Variants in GSE1 observed in about 807,000 individuals in gnomAD.
GSE1 encodes genetic suppressor element 1.
A neutral mutation model predicts 112.6 loss-of-function variants in GSE1; 32 were observed. The observed-to-expected ratio is 0.28, with a 90% CI of 0.21 to 0.38. The LOEUF is 0.38. Among genes scored for constraint, GSE1 ranks in the 10% least tolerant of loss-of-function variants. The pLI, the probability that GSE1 is intolerant of heterozygous loss-of-function variation, is 1.00. For missense variants in GSE1, 2,348 were observed against 1,699.2 expected (o/e 1.38, Z -6.71); for synonymous variants, 1,115 against 735.6 (o/e 1.52, Z -8.35).
At chr16:85,374,185 CCT>C (rs924663000) in intron 2 of GSE1, among the ~76,000 whole-genome samples, 2 of 145,442 alleles carry the variant, frequency 1.4e-5, no homozygotes, top group African/African-American at 5.1e-5. Context: ...TGTCAGTGTG[CCT>C]CTGTGTGTTC....
rs574592771 is a variant in GSE1 at position 85,564,252 on chromosome 16, G to A, written c.37+7889G>A. Among the ~76,000 whole-genome samples the A allele has an allele frequency of 1.5e-3, 231 of 152,280 alleles. 1 individual carries two copies. The highest frequency in any genetic ancestry group is 5.3e-3 in the African/African-American group (221 of 41,538). On this transcript the variant is annotated intron_variant, in intron 1 of 2. Coordinates refer to the GSE1 transcript ENST00000635906. The stretch of plus-strand genomic sequence containing the variant: ...GGAGCTTCGAGGTGAGTGAGGCTGG[G>A]AGGAAGGAGGCTAACACAGTGAGGA...
At chr16:85,566,035 C>T (rs1598206087) in intron 1 of GSE1, among the ~76,000 whole-genome samples, 1 of 152,286 alleles carries the variant, frequency 6.6e-6, no homozygotes, top group Middle Eastern at 3.4e-3. Context: ...GTTTTCTCAT[C>T]TGCTAAATGG....
At chr16:85,648,256 T>G (rs2051046892) in intron 2 of GSE1, among the ~76,000 whole-genome samples, 1 of 152,126 alleles carries the variant, frequency 6.6e-6, no homozygotes, top group African/African-American at 2.4e-5. Context: ...TCCTCCTGTC[T>G]GGTGGCGGTG....
intron 1 of GSE1, among the ~76,000 whole-genome samples, chr16:85,340,305 G>A (rs1212297162): frequency 1.3e-5 from 2 of 152,140 alleles, no homozygotes; most frequent in Admixed American, 6.5e-5. Context: ...AGCGGTGATT[G>A]CACCACTGCA....
At chr16:85,586,928 A>C (rs912597573) in intron 1 of GSE1, among the ~76,000 whole-genome samples, 4 of 152,232 alleles carry the variant, frequency 2.6e-5, no homozygotes, top group Admixed American at 2.6e-4. Context: ...AAGTGCCCGC[A>C]GCTGCCAGGG....
chr16:85,668,652 C>G (rs1019692548), intron 14 of GSE1, among the ~76,000 whole-genome samples: 2 of 152,192 alleles, frequency 1.3e-5, no homozygotes, highest in African/African-American at 4.8e-5. Context: ...ATGATGCCAG[C>G]TCTGGTGGCA....
chr16:85,339,041 C>T (rs1185532934), intron 1 of GSE1, among the ~76,000 whole-genome samples: 3 of 152,170 alleles, frequency 2.0e-5, no homozygotes, highest in South Asian at 2.1e-4. Flanking sequence ...CACCCCCCAC[C>T]GCTGTGACTG....
At chr16:85,512,149 C>T (rs1227362721) in intron 2 of GSE1, among the ~76,000 whole-genome samples, 2 of 152,152 alleles carry the variant, frequency 1.3e-5, no homozygotes, top group Non-Finnish European at 2.9e-5. Flanking sequence ...TGGCTGGGCC[C>T]ACCATGGGCA....
At chr16:85,501,841 C>T (rs577100127) in intron 2 of GSE1, among the ~76,000 whole-genome samples, 5 of 152,330 alleles carry the variant, frequency 3.3e-5, no homozygotes, top group Non-Finnish European at 7.4e-5. Context: ...CAGGGCCCTG[C>T]CTCCACCCCT....
chr16:85,434,786 C>T (rs2151766870), intron 2 of GSE1, among the ~76,000 whole-genome samples: 1 of 152,354 alleles, frequency 6.6e-6, no homozygotes, highest in Middle Eastern at 3.4e-3. Context: ...TTCTGCACTC[C>T]AGCCTGGGAG....
intron 1 of GSE1, among the ~76,000 whole-genome samples, chr16:85,269,663 C>A (rs899963314): frequency 6.7e-6 from 1 of 149,256 alleles, no homozygotes; most frequent in Non-Finnish European, 1.5e-5. Context: ...CTCTGTCCAG[C>A]CTTCAGTGCC....
chr16:85,448,437 A>G (rs527707577), intron 2 of GSE1, among the ~76,000 whole-genome samples: 2 of 152,268 alleles, frequency 1.3e-5, no homozygotes, highest in East Asian at 1.9e-4. Flanking sequence ...GAGGGGAGAG[A>G]GTGCTTGCTG....
intron 2 of GSE1, among the ~76,000 whole-genome samples, chr16:85,456,552 A>T (rs1567501844): frequency 7.2e-6 from 1 of 139,580 alleles, no homozygotes; most frequent in Non-Finnish European, 1.5e-5. Flanking sequence ...CACCCTGAGG[A>T]CAGGGAGGGG....
chr16:85,555,662 AC>A, upstream of GSE1: 4 of 615,536 alleles, frequency 6.5e-6, no homozygotes, highest in Non-Finnish European at 5.9e-6. Flanking sequence ...AACAAGAGAT[AC>A]CCCCTCCCGC....
chr16:85,256,521 C>CA (rs1907096472), intron 1 of GSE1, among the ~76,000 whole-genome samples: 1 of 152,220 alleles, frequency 6.6e-6, no homozygotes, highest in Non-Finnish European at 1.5e-5. Flanking sequence ...GGGTCAGGGC[C>CA]GCCCAGGCAC....
intron 2 of GSE1, among the ~76,000 whole-genome samples, chr16:85,376,423 A>G (rs2047421657): frequency 1.3e-5 from 2 of 152,110 alleles, no homozygotes; most frequent in African/African-American, 4.8e-5. Context: ...GGCTGGGGTG[A>G]GTTCGGTGGC....
chr16:85,197,355 CA>C (rs1369656109), intron 1 of GSE1, among the ~76,000 whole-genome samples: 1 of 152,180 alleles, frequency 6.6e-6, no homozygotes, highest in African/African-American at 2.4e-5. Flanking sequence ...GAAGAGCAGG[CA>C]GTTAATTTTA....
intron 1 of GSE1, among the ~76,000 whole-genome samples, chr16:85,264,443 C>T (rs1488276005): frequency 6.6e-6 from 1 of 152,028 alleles, no homozygotes; most frequent in Non-Finnish European, 1.5e-5. Context: ...CTGAGGTTTC[C>T]GGGCCCAGTC....
chr16:85,267,594 CA>C (rs1418406958), intron 1 of GSE1, among the ~76,000 whole-genome samples: 8 of 152,212 alleles, frequency 5.3e-5, no homozygotes, highest in African/African-American at 1.9e-4. Flanking sequence ...CCTGCTGCAA[CA>C]AGTATTTTAT....
Sources: gnomAD v4.1 joint callset for allele counts (sites outside exome capture counted in the v4.1 genomes callset) on GRCh38, gnomAD v4.1.1 for gene constraint, MANE v1.5 for transcripts, NCBI Gene and HGNC (gene_info 2026-07-23, HGNC 2026-07-21) for gene names.